The following FOXK1 variants were observed in gnomAD, a reference collection of about 807,000 sequenced individuals.
The protein encoded by FOXK1 is forkhead box protein K1.
In FOXK1, 19 loss-of-function variants were observed where a neutral mutation model predicts 51.9. The observed-to-expected ratio is 0.37, with a 90% CI of 0.26 to 0.54. The LOEUF is 0.54. Among genes scored for constraint, FOXK1 ranks in the 20% least tolerant of loss-of-function variants. The pLI is 0.87. For synonymous variants in FOXK1, 537 were observed against 482.6 expected, an observed-to-expected ratio of 1.11 and a Z score of -1.48; for missense variants, 870 against 1,032.7, an observed-to-expected ratio of 0.84 and a Z score of 2.16.
intron 1 of FOXK1, among the ~76,000 whole-genome samples, chr7:4,699,208 A>G (rs1779990033): frequency 6.6e-6 from 1 of 151,526 alleles, no homozygotes. Context: ...CATTTGTCCG[A>G]TTTGACAAAA....
chr7:4,750,491 G>A (rs1485557799), intron 2 of FOXK1, among the ~76,000 whole-genome samples: 7 of 151,136 alleles, frequency 4.6e-5, no homozygotes, highest in Non-Finnish European at 1.0e-4. Context: ...CGCCCAGGCT[G>A]GAGTGCAGTG....
At chr7:4,754,321 A>T in intron 2 of FOXK1, 138 bp from the exon 3 acceptor site, 1 of 941,980 alleles carries the variant, frequency 1.1e-6, no homozygotes, top group Non-Finnish European at 1.5e-6. Context: ...TTGGCCGGGC[A>T]GTGTGGTGGC....
intron 1 of FOXK1, among the ~76,000 whole-genome samples, chr7:4,710,306 G>A (rs183334479): frequency 1.9e-3 from 295 of 152,350 alleles, no homozygotes; most frequent in Non-Finnish European, 3.4e-3. Flanking sequence ...AGCACCTTGG[G>A]AGGCTAAGGC....
chr7:4,684,239 ATTTC>A (rs1583177021), intron 1 of FOXK1, among the ~76,000 whole-genome samples: 1 of 152,010 alleles, frequency 6.6e-6, no homozygotes, highest in East Asian at 1.9e-4. Flanking sequence ...CAGTGTTTAT[ATTTC>A]TTCAATGTGG....
intron 1 of FOXK1, among the ~76,000 whole-genome samples, chr7:4,687,371 A>C (rs1429512079): frequency 6.7e-6 from 1 of 149,976 alleles, no homozygotes; most frequent in Non-Finnish European, 1.5e-5. Flanking sequence ...CAGCTCACTG[A>C]AACCTCCGCC....
rs1717588144 is a variant in FOXK1, at chr7:4,745,089, C to T, written c.746+4066C>T. ...TCCCTGCCCTTCCCTGCCACCTCCCCACTCTCCTCCTCTCTGGCTGCGCTC... is the reference window on the plus strand; with the variant it reads ...TCCCTGCCCTTCCCTGCCACCTCCCTACTCTCCTCCTCTCTGGCTGCGCTC... On this transcript the variant is annotated intron_variant, in intron 2 of 8. Transcript: ENST00000328914. This position sits in a 1 kb window ranked among gnomAD's most constrained non-coding sequence, Gnocchi z 4.3. Among the ~76,000 whole-genome samples the T allele has an allele frequency of 6.6e-6, 1 of 152,230 alleles. No individual in the cohort carries two copies. Among genetic ancestry groups the T allele is most frequent in the African/African-American group, 2.4e-5 (1 of 41,470 alleles).
In FOXK1 at chr7:4,749,220, C is replaced by T. The variant is rs139643422; in HGVS notation, c.747-5239C>T. Among the ~76,000 whole-genome samples, 18 of 152,326 alleles carry T rather than the reference C, an allele frequency of 1.2e-4. 1 individual carries two copies. The highest frequency in any genetic ancestry group is 4.3e-4 in the African/African-American group (18 of 41,578). The stretch of plus-strand genomic sequence containing the variant: ...TGTTCTTACTGTCCTACAGAGACGG[C>T]ATCGTTACCTCCCTAGGGACGGGAA... On this transcript the variant is annotated intron_variant, in intron 2 of 8. Transcript: ENST00000328914. This position sits in a 1 kb window ranked among gnomAD's most constrained non-coding sequence, Gnocchi z 6.0.
intron 1 of FOXK1, among the ~76,000 whole-genome samples, chr7:4,712,387 C>T (rs1183369209): frequency 6.6e-6 from 1 of 152,090 alleles, no homozygotes; most frequent in Admixed American, 6.6e-5. Flanking sequence ...GAGGATTGAC[C>T]GTTCCTTGGA....
chr7:4,703,671 T>A lies in FOXK1; in HGVS notation c.560+20803T>A, dbSNP rs1302826805. ...AAAACCAAATGATCCCGGGTAGAGC[T>A]GCAGCTGGGGACTGGTGCGCCATGC... On this transcript the variant is annotated intron_variant, in intron 1 of 8. Coordinates refer to ENST00000328914, the MANE Select transcript of FOXK1 (RefSeq NM_001037165.2). This position sits in a 1 kb window ranked among gnomAD's most constrained non-coding sequence, Gnocchi z 5.6. Among the ~76,000 whole-genome samples the A allele has an allele frequency of 6.6e-6, 1 of 152,182 alleles. No homozygotes were observed. The highest frequency in any genetic ancestry group is 1.5e-5 in the Non-Finnish European group (1 of 68,032).
In FOXK1 at chr7:4,754,608, G is replaced by T. The variant is rs757808824; in HGVS notation, c.896G>T (p.Ser299Ile). The part of the protein sequence containing the change: ...EQQADTSGGD[S>I]PKDESKPPFS... ...CAGGCAGACACGTCTGGAGGAGACAGCCCCAAGGTCTGAGCCCACCTGGCG... is the reference window on the plus strand; with the variant it reads ...CAGGCAGACACGTCTGGAGGAGACATCCCCAAGGTCTGAGCCCACCTGGCG... The change falls in exon 3 of 9, where the codon AGC becomes ATC. Residue 299 changes from serine (S) to isoleucine (I), a missense_variant. By Grantham distance (142) the Ser-to-Ile change is moderately radical. Coordinates refer to ENST00000328914, the MANE Select transcript of FOXK1 (RefSeq NM_001037165.2). 1.7e-5 allele frequency: 27 copies of T among 1,603,780 alleles called. No homozygotes were observed. In the South Asian group the frequency reaches 3.0e-4, roughly 18 times the overall value.
At chr7:4,737,484 G>A (rs1270666874) in intron 1 of FOXK1, among the ~76,000 whole-genome samples, 3 of 151,986 alleles carry the variant, frequency 2.0e-5, no homozygotes, top group Admixed American at 1.3e-4. Flanking sequence ...GCGTGGGTGT[G>A]GGCGTGTGCG....
rs1780882582 is a variant in FOXK1, at chr7:4,758,418, G to A, written c.1245-633G>A. 6.6e-6 allele frequency: 1 copy of A among 152,410 alleles called. No individual in the cohort carries two copies. Among genetic ancestry groups the A allele is most frequent in the South Asian group, 2.1e-4 (1 of 4,840 alleles). 9.4% of individuals were successfully genotyped at this position (152,410 alleles called of 1,614,324 possible). A position where few individuals can be genotyped will look rare whatever the true frequency, so the allele number is the denominator to read the frequency against. ...AGGTGTCGAGGAGGAGATCTCCTGAGCGGCAGTCTCGGAAATCCTTCCCCG... is the reference window on the plus strand; with the variant it reads ...AGGTGTCGAGGAGGAGATCTCCTGAACGGCAGTCTCGGAAATCCTTCCCCG... On this transcript the variant is annotated intron_variant, in intron 5 of 8. Coordinates refer to ENST00000328914, the MANE Select transcript of FOXK1 (RefSeq NM_001037165.2). The surrounding 1 kb of genome is among the most constrained non-coding windows in gnomAD (Gnocchi z 4.4).
rs1277974260 is a variant in FOXK1 at position 4,765,539 on chromosome 7, C to G, written c.*3075C>G. On this transcript the variant is annotated 3_prime_UTR_variant, in exon 9 of 9. Transcript: ENST00000328914. ...GCAGGAATGTGGGGAGCAAAAGTAG[C>G]TGATTCCAGCCCCGTTCTGGGGTCA... 1 of 152,478 alleles carries G rather than the reference C, an allele frequency of 6.6e-6. No individual in the cohort carries two copies. The highest frequency in any genetic ancestry group is 1.5e-5 in the Non-Finnish European group (1 of 68,224). The allele number at this position is 152,478 out of a possible 1,614,324, so 9.4% of individuals were successfully genotyped here.
At chr7:4,691,403 C>T (rs1365834721) in intron 1 of FOXK1, among the ~76,000 whole-genome samples, 1 of 152,194 alleles carries the variant, frequency 6.6e-6, no homozygotes, top group East Asian at 1.9e-4. Flanking sequence ...GGTGCAATCT[C>T]AGCTCACTGC....
chr7:4,738,130 G>GAA (rs573837324), intron 1 of FOXK1, among the ~76,000 whole-genome samples: 6 of 91,380 alleles, frequency 6.6e-5, no homozygotes, highest in African/African-American at 1.3e-4. Context: ...CTCAAAAAGA[G>GAA]AAAAAAAAAA....
At chr7:4,708,569 T>C (rs1028116763) in intron 1 of FOXK1, among the ~76,000 whole-genome samples, 3 of 152,222 alleles carry the variant, frequency 2.0e-5, no homozygotes, top group Non-Finnish European at 4.4e-5. Flanking sequence ...GAAATTGATA[T>C]CATAAAAGTA....
chr7:4,721,458 C>T (rs771155889), intron 1 of FOXK1, among the ~76,000 whole-genome samples: 3 of 152,066 alleles, frequency 2.0e-5, no homozygotes, highest in Non-Finnish European at 2.9e-5. Context: ...CTCCAGGCGT[C>T]GGCTGTCAGT....
At chr7:4,725,107 G>T (rs923250006) in intron 1 of FOXK1, among the ~76,000 whole-genome samples, 1 of 152,234 alleles carries the variant, frequency 6.6e-6, no homozygotes, top group Non-Finnish European at 1.5e-5. Context: ...CCGCGCCCAC[G>T]TTGCCCTAAA....
Position 4,736,912 on chromosome 7 carries a change from T to C in FOXK1, c.561-3926T>C, listed in dbSNP as rs541906160. Reference sequence around the variant, plus strand: ...CTCATTCCTGCCACAATTTGCTCTTTGAAAGGGAGAAGTCAAGCCTGGGAA... The same window carrying C: ...CTCATTCCTGCCACAATTTGCTCTTCGAAAGGGAGAAGTCAAGCCTGGGAA... On this transcript the variant is annotated intron_variant, in intron 1 of 8. Coordinates refer to ENST00000328914, the MANE Select transcript of FOXK1 (RefSeq NM_001037165.2). Among the ~76,000 whole-genome samples, 173 of 152,348 alleles carry C rather than the reference T, an allele frequency of 1.1e-3. 3 individuals are homozygous for C. Among genetic ancestry groups the C allele is most frequent in the African/African-American group, 4.1e-3 (172 of 41,588 alleles).
Sources: gnomAD v4.1 joint callset for allele counts (sites outside exome capture counted in the v4.1 genomes callset) on GRCh38, gnomAD v4.1.1 for gene constraint, Gnocchi (gnomAD v3.1) non-coding constraint, MANE v1.5 for transcripts, NCBI Gene and HGNC (gene_info 2026-07-23, HGNC 2026-07-21) for gene names.